The following ZCCHC14 variants were observed in gnomAD, a reference collection of about 807,000 sequenced individuals.
The protein encoded by ZCCHC14 is zinc finger CCHC domain-containing protein 14.
A neutral mutation model predicts 85.0 loss-of-function variants in ZCCHC14; 16 were observed. The observed-to-expected ratio is 0.19, with a 90% CI of 0.13 to 0.29. The LOEUF (loss-of-function observed/expected upper bound fraction) is 0.29. Among genes scored for constraint, ZCCHC14 ranks in the 10% least tolerant of loss-of-function variants. The probability of loss-of-function intolerance (pLI) is 1.00; values close to 1 mark genes in which losing one functional copy is unlikely to be tolerated. For missense variants in ZCCHC14, 1,303 were observed against 1,443.5 expected, an observed-to-expected ratio of 0.90 and a Z score of 1.58; for synonymous variants, 775 against 630.7, an observed-to-expected ratio of 1.23 and a Z score of -3.43.
intron 2 of ZCCHC14, among the ~76,000 whole-genome samples, chr16:87,438,849 T>C (rs925324224): frequency 6.6e-6 from 1 of 152,184 alleles, no homozygotes; most frequent in Non-Finnish European, 1.5e-5. Context: ...GTGGAGTCCC[T>C]GAAATGCAAC....
intron 3 of ZCCHC14, among the ~76,000 whole-genome samples, chr16:87,431,139 A>G (rs1192780045): frequency 6.6e-6 from 1 of 151,714 alleles, no homozygotes; most frequent in Non-Finnish European, 1.5e-5. Flanking sequence ...CAGTGTCAAA[A>G]AAAAGAAAGA....
chr16:87,477,120 C>CAAAAAA lies in ZCCHC14; in HGVS notation c.570+14543_570+14548dup, dbSNP rs769416913. On this transcript the variant is annotated intron_variant, in intron 1 of 12. Coordinates refer to ENST00000671377, the MANE Select transcript of ZCCHC14 (RefSeq NM_015144.3). ...AGCCTGACAGAGAGAGACTCAGTCT[C>CAAAAAA]AAAAAAAAAAAAAAAAAAAAACAAA... 1.8e-3 allele frequency among the ~76,000 whole-genome samples: 71 copies of CAAAAAA among 39,912 alleles called. 3 individuals are homozygous for CAAAAAA. The highest frequency in any genetic ancestry group is 3.7e-3 in the African/African-American group (26 of 6,994). The allele number at this position is 39,912 out of a possible 152,430, so 26.2% of individuals were successfully genotyped here. A position where few individuals can be genotyped will look rare whatever the true frequency, so the allele number is the denominator to read the frequency against.
In ZCCHC14 at chr16:87,412,964, T is replaced by C. The variant is rs749838786; in HGVS notation, c.1757A>G (p.His586Arg). ...AEENDRRVEI[H>R]LESSDKEKPV... ...CTTCTCCTTGTCAGAGCTCTCCAAGTGAATCTCCACACCTAGAGAGGGAAA... is the reference window on the plus strand; with the variant it reads ...CTTCTCCTTGTCAGAGCTCTCCAAGCGAATCTCCACACCTAGAGAGGGAAA... The change falls in exon 12 of 13, where the codon CAC becomes CGC. Residue 586 changes from histidine to arginine, a missense_variant. This residue lies in a region of ZCCHC14 where 797 missense variants were observed against 730.8 expected (regional missense o/e 1.09). Coordinates refer to ENST00000671377, the MANE Select transcript of ZCCHC14 (RefSeq NM_015144.3). 5 of 1,610,986 alleles carry C rather than the reference T, an allele frequency of 3.1e-6. No individual in the cohort carries two copies. The highest frequency in any genetic ancestry group is 4.2e-6 in the Non-Finnish European group (5 of 1,178,394).
chr16:87,427,223 C>T (rs1460473402), intron 3 of ZCCHC14, among the ~76,000 whole-genome samples: 2 of 152,252 alleles, frequency 1.3e-5, no homozygotes, highest in Non-Finnish European at 2.9e-5. Context: ...GGTCCCCCAA[C>T]CTTGGAGGGC....
chr16:87,445,143 T>C (rs1364708032), intron 2 of ZCCHC14, among the ~76,000 whole-genome samples: 1 of 151,950 alleles, frequency 6.6e-6, no homozygotes, highest in Non-Finnish European at 1.5e-5. Context: ...ATCAGCTCAC[T>C]GCAACCTCTG....
In ZCCHC14 at chr16:87,414,652, G is replaced by A. The variant is rs771738349; in HGVS notation, c.1476-111C>T. The A allele has an allele frequency of 1.1e-4, 152 of 1,430,622 alleles. 1 individual carries two copies. The Middle Eastern group carries it at 1.1e-3, about 10-fold the overall frequency. The allele number at this position is 1,430,622 out of a possible 1,614,324, so 88.6% of individuals were successfully genotyped here. On this transcript the variant is annotated intron_variant, in intron 9 of 12. Coordinates refer to ENST00000671377, the MANE Select transcript of ZCCHC14 (RefSeq NM_015144.3). ...CCACAGGGCGGCTTTGATACAGGGC[G>A]ACTTCGAGATGGGTCTACTCCACAC... is the stretch of plus-strand genomic sequence containing the variant.
At chr16:87,488,995 C>A (rs1234581059) in intron 1 of ZCCHC14, among the ~76,000 whole-genome samples, 1 of 152,192 alleles carries the variant, frequency 6.6e-6, no homozygotes, top group Non-Finnish European at 1.5e-5. Context: ...CAACAGCTTA[C>A]AAAAGAATGC....
rs1305124570 is a variant in ZCCHC14 at position 87,433,220 on chromosome 16, AAAC to A, written c.695-22_695-20del. 2.5e-6 allele frequency: 4 copies of A among 1,609,772 alleles called. No homozygotes were observed. In the Admixed American group the frequency reaches 6.7e-5, roughly 27 times the overall value. On this transcript the variant is annotated intron_variant, in intron 2 of 12. Transcript: ENST00000671377. ...ACACTCACTGTAAAAGTAAAACAAA[AAAC>A]AAAAATGAAATAAGAGCTTGAAGTA... is the stretch of plus-strand genomic sequence containing the variant.
chr16:87,441,432 CT>C (rs977095971), intron 2 of ZCCHC14, among the ~76,000 whole-genome samples: 18 of 151,438 alleles, frequency 1.2e-4, no homozygotes, highest in African/African-American at 3.9e-4. Context: ...AAGTCCATTT[CT>C]TTTTTTTTGT....
Position 87,491,819 on chromosome 16 carries a change from G to C in ZCCHC14, c.420C>G (p.Ser140=). Residue 140 remains serine (S), a synonymous_variant, in exon 1 of 13, where the codon TCC becomes TCG. Transcript: ENST00000671377. This position sits in a 1 kb window ranked among gnomAD's most constrained non-coding sequence, Gnocchi z 5.9. The part of the protein sequence containing the change: ...DEFLLLFTMA[S]NHPAFSFHQK... ...GGTGGAAGCTGAAGGCCGGGTGGTT[G>C]GAGGCCATGGTGAACAGCAGCAGGA... 6.3e-7 allele frequency: 1 copy of C among 1,585,020 alleles called. No individual in the cohort carries two copies. The highest frequency in any genetic ancestry group is 8.5e-7 in the Non-Finnish European group (1 of 1,169,874).
chr16:87,463,824 C>G (rs889502916), intron 1 of ZCCHC14, among the ~76,000 whole-genome samples: 1 of 151,736 alleles, frequency 6.6e-6, no homozygotes, highest in Non-Finnish European at 1.5e-5. Context: ...GACTCCGTCT[C>G]AGGAGAAAAA....
chr16:87,431,970 A>G (rs976405381), intron 3 of ZCCHC14, among the ~76,000 whole-genome samples: 1 of 152,124 alleles, frequency 6.6e-6, no homozygotes, highest in Non-Finnish European at 1.5e-5. Context: ...TTTTCCTTAC[A>G]TTTTCAAATG....
At chr16:87,455,734 C>T (rs1159046659) in intron 2 of ZCCHC14, among the ~76,000 whole-genome samples, 1 of 152,194 alleles carries the variant, frequency 6.6e-6, no homozygotes, top group African/African-American at 2.4e-5. Flanking sequence ...GATTTTTCGA[C>T]TTTACAACAG....
At chr16:87,413,464 CGCACCCCCAGG>C (rs1908595281) in intron 10 of ZCCHC14, among the ~76,000 whole-genome samples, 1 of 152,164 alleles carries the variant, frequency 6.6e-6, no homozygotes, top group South Asian at 2.1e-4. Context: ...GCACCCCCAG[CGCACCCCCAGG>C]AACTATCACA....
In ZCCHC14 at chr16:87,459,941, C is replaced by T. The variant is rs549138302; in HGVS notation, c.694+67G>A. The T allele has an allele frequency of 2.1e-5, 34 of 1,603,736 alleles. No individual in the cohort carries two copies. The East Asian group carries it at 4.3e-4, about 20-fold the overall frequency. On this transcript the variant is annotated intron_variant, in intron 2 of 12. Transcript: ENST00000671377. ...CTGAAAGCATTTAACAATGCCCTCA[C>T]GGGGATCTGGGGTGTGCCCATCCTC...
At chr16:87,466,785 G>A (rs1205948891) in intron 1 of ZCCHC14, among the ~76,000 whole-genome samples, 1 of 152,086 alleles carries the variant, frequency 6.6e-6, no homozygotes, top group Admixed American at 6.6e-5. Context: ...ATAAAGGCAG[G>A]GAATGCTCAA....
chr16:87,436,399 C>T (rs939343206), intron 2 of ZCCHC14, among the ~76,000 whole-genome samples: 4 of 152,226 alleles, frequency 2.6e-5, no homozygotes, highest in Admixed American at 6.5e-5. Context: ...CCATGTGCTC[C>T]GCGGGCTCTG....
rs184995433 is a variant in ZCCHC14 at position 87,411,287 on chromosome 16, G to A, written c.3205+229C>T. 5 of 1,324,452 alleles carry A rather than the reference G, an allele frequency of 3.8e-6. No homozygotes were observed. In the East Asian group the frequency reaches 1.2e-4, roughly 33 times the overall value. 82.0% of individuals were successfully genotyped at this position (1,324,452 alleles called of 1,614,324 possible). ...GGGAGGCCCTGTCCACACTGGCTAA[G>A]CACCTTCTAGAACCAGAGGCTGTCT... On this transcript the variant is annotated intron_variant, in intron 12 of 12. Coordinates refer to ENST00000671377, the MANE Select transcript of ZCCHC14 (RefSeq NM_015144.3).
intron 4 of ZCCHC14, 127 bp downstream of exon 4, chr16:87,423,683 G>C: frequency 1.9e-6 from 2 of 1,034,602 alleles, no homozygotes; most frequent in Non-Finnish European, 2.9e-6. Flanking sequence ...GGCTGGGCAG[G>C]AGGCCCCGCC....
Sources: gnomAD v4.1 joint callset for allele counts (sites outside exome capture counted in the v4.1 genomes callset) on GRCh38, gnomAD v4.1.1 for gene constraint, gnomAD v4.1.1 regional missense constraint, Gnocchi (gnomAD v3.1) non-coding constraint, MANE v1.5 for transcripts, NCBI Gene and HGNC (gene_info 2026-07-23, HGNC 2026-07-21) for gene names.